Variants in EMCN observed in about 807,000 individuals in gnomAD.
EMCN encodes endomucin.
In EMCN, 37 loss-of-function variants were observed where a neutral mutation model predicts 38.4. The observed-to-expected ratio is 0.96, with a 90% CI of 0.74 to 1.27. EMCN has a LOEUF of 1.27. Among genes scored for constraint, EMCN ranks in the 50% most tolerant of loss-of-function variants. The probability of loss-of-function intolerance (pLI) is 0.00; values close to 1 mark genes in which losing one functional copy is unlikely to be tolerated. For synonymous variants in EMCN, 95 were observed against 100.8 expected, an observed-to-expected ratio of 0.94 and a Z score of 0.35; for missense variants, 318 against 302.8, an observed-to-expected ratio of 1.05 and a Z score of -0.37.
At chr4:100,485,676 A>G (rs1354674288) in intron 1 of EMCN, among the ~76,000 whole-genome samples, 2 of 152,018 alleles carry the variant, frequency 1.3e-5, no homozygotes, top group Non-Finnish European at 2.9e-5. Context: ...TGCATCAAAT[A>G]GTCTTCATAA....
intron 1 of EMCN, among the ~76,000 whole-genome samples, chr4:100,516,068 A>G (rs1324055832): frequency 2.0e-5 from 3 of 152,012 alleles, no homozygotes; most frequent in Non-Finnish European, 4.4e-5. Flanking sequence ...CTTGAAGGAG[A>G]TAGTTATTAT....
At chr4:100,418,358 G>A (rs1015956520) in intron 8 of EMCN, among the ~76,000 whole-genome samples, 6 of 152,142 alleles carry the variant, frequency 3.9e-5, no homozygotes, top group Non-Finnish European at 7.4e-5. Context: ...CATCATGGCA[G>A]TGGTGTATCC....
In EMCN at chr4:100,444,089, G is replaced by A. The variant is rs561807545; in HGVS notation, c.415+3444C>T. Among the ~76,000 whole-genome samples, 7 of 152,324 alleles carry A rather than the reference G, an allele frequency of 4.6e-5. No homozygotes were observed. In the South Asian group the frequency reaches 1.4e-3, roughly 32 times the overall value. ...ACACTGCTGTAGCTTGGACCTTGGT[G>A]GGAGGGGTGCAGCACAGCACCAGTC... On this transcript the variant is annotated intron_variant, in intron 5 of 11. Transcript: ENST00000296420.
At chr4:100,434,383 C>CAAAAA (rs767318585) in intron 5 of EMCN, among the ~76,000 whole-genome samples, 37 of 70,628 alleles carry the variant, frequency 5.2e-4, no homozygotes, top group African/African-American at 6.1e-4. Flanking sequence ...GCCTACCAAG[C>CAAAAA]AAAAAAAAAA....
At chr4:100,466,605 G>T (rs771543263) in intron 3 of EMCN, among the ~76,000 whole-genome samples, 13 of 152,234 alleles carry the variant, frequency 8.5e-5, no homozygotes, top group South Asian at 2.1e-4. Context: ...TCCTGCATAT[G>T]AGAGAGAATG....
intron 5 of EMCN, chr4:100,446,007 T>C (rs564186454): frequency 1.1e-6 from 1 of 915,614 alleles, no homozygotes; most frequent in African/African-American, 1.8e-5. Flanking sequence ...ATTAAACTTA[T>C]AGCTGGCATT....
At chr4:100,463,408 G>A (rs1248618023) in intron 4 of EMCN, among the ~76,000 whole-genome samples, 3 of 152,002 alleles carry the variant, frequency 2.0e-5, no homozygotes, top group Non-Finnish European at 4.4e-5. Flanking sequence ...TGTTTGTTGG[G>A]TTTTCTAGTT....
At chr4:100,481,861 T>TCTTC (rs1295023843) in intron 1 of EMCN, among the ~76,000 whole-genome samples, 2 of 151,132 alleles carry the variant, frequency 1.3e-5, no homozygotes, top group African/African-American at 2.4e-5. Context: ...TTCCTTCCTT[T>TCTTC]CTTCCTTCCT....
At chr4:100,487,258 A>C (rs926890831) in intron 1 of EMCN, among the ~76,000 whole-genome samples, 1 of 152,116 alleles carries the variant, frequency 6.6e-6, no homozygotes, top group Admixed American at 6.5e-5. Flanking sequence ...GCAACAACAA[A>C]TCCTTATAAG....
chr4:100,441,170 G>A (rs1433399313), intron 5 of EMCN, among the ~76,000 whole-genome samples: 1 of 151,388 alleles, frequency 6.6e-6, no homozygotes, highest in Non-Finnish European at 1.5e-5. Flanking sequence ...ATTAATATTT[G>A]CTTTATGTAT....
intron 10 of EMCN, among the ~76,000 whole-genome samples, chr4:100,412,813 A>T (rs890109194): frequency 1.3e-5 from 2 of 152,200 alleles, no homozygotes; most frequent in Admixed American, 6.5e-5. Context: ...ACCTTATTCA[A>T]CGAAGAATAT....
intron 2 of EMCN, among the ~76,000 whole-genome samples, chr4:100,479,313 TTG>T (rs879839459): frequency 6.6e-6 from 1 of 152,124 alleles, no homozygotes; most frequent in Non-Finnish European, 1.5e-5. Context: ...GCCTTATTTT[TTG>T]TGTGTTGCAA....
intron 10 of EMCN, among the ~76,000 whole-genome samples, chr4:100,412,161 G>C (rs1023902146): frequency 3.3e-5 from 5 of 152,192 alleles, no homozygotes; most frequent in Non-Finnish European, 7.3e-5. Flanking sequence ...GGTTCAGAGA[G>C]AGAGACAGTC....
intron 5 of EMCN, among the ~76,000 whole-genome samples, chr4:100,429,473 G>A (rs1327635240): frequency 2.6e-5 from 4 of 151,964 alleles, no homozygotes; most frequent in Non-Finnish European, 5.9e-5. Flanking sequence ...TTCTGCCTTC[G>A]GATGATGCAA....
chr4:100,415,178 T>A (rs1003152337), intron 10 of EMCN, among the ~76,000 whole-genome samples: 2 of 152,260 alleles, frequency 1.3e-5, no homozygotes, highest in African/African-American at 2.4e-5. Flanking sequence ...ATTACAGGCA[T>A]GAGCCATAGC....
At chr4:100,437,456 G>GAT (rs1553928200) in intron 5 of EMCN, among the ~76,000 whole-genome samples, 5 of 2,328 alleles carry the variant, frequency 2.1e-3, no homozygotes, top group South Asian at 0.031. Context: ...CTTTTGGTCT[G>GAT]ATATAAAAAA....
intron 4 of EMCN, among the ~76,000 whole-genome samples, chr4:100,449,832 A>C (rs1204749347): frequency 6.6e-6 from 1 of 152,088 alleles, no homozygotes; most frequent in East Asian, 1.9e-4. Context: ...ACATTTATAT[A>C]TATAAATGAA....
intron 1 of EMCN, among the ~76,000 whole-genome samples, chr4:100,504,074 G>A (rs1729416301): frequency 6.6e-6 from 1 of 152,176 alleles, no homozygotes; most frequent in Non-Finnish European, 1.5e-5. Context: ...CAAAATCAAA[G>A]TATGTGTGCA....
chr4:100,454,999 T>A (rs1727970066), intron 4 of EMCN, among the ~76,000 whole-genome samples: 1 of 152,160 alleles, frequency 6.6e-6, no homozygotes, highest in Non-Finnish European at 1.5e-5. Flanking sequence ...AGTTTAACAA[T>A]CTTATCTTTA....
Sources: allele counts gnomAD v4.1 joint callset (sites outside exome capture counted in the v4.1 genomes callset), GRCh38; gene constraint gnomAD v4.1.1; transcripts MANE v1.5; gene names NCBI Gene and HGNC (gene_info 2026-07-23, HGNC 2026-07-21).